The following PRF1 variants were observed in gnomAD, a reference collection of about 807,000 sequenced individuals.
PRF1 encodes the protein perforin 1.
In PRF1, 11 loss-of-function variants were observed where a neutral mutation model predicts 11.7. The ratio of observed to expected loss-of-function variants is 0.94; its 90% CI spans 0.59 to 1.56. The LOEUF (loss-of-function observed/expected upper bound fraction) is 1.56. Ranked by LOEUF, PRF1 falls within the 40% of genes most tolerant of loss-of-function variation. The pLI is 0.00. For missense variants in PRF1, 729 were observed against 751.0 expected (o/e 0.97, Z 0.34); for synonymous variants, 314 against 327.8 (o/e 0.96, Z 0.45).
rs3758561 is a variant in PRF1, at chr10:70,601,784, G to A, written c.-30-852C>T. Among the ~76,000 whole-genome samples, 26 of 117,044 alleles carry A rather than the reference G, an allele frequency of 2.2e-4. No individual in the cohort carries two copies. In the East Asian group the frequency reaches 6.2e-3, roughly 28 times the overall value. The allele number at this position is 117,044 out of a possible 152,430, so 76.8% of individuals were successfully genotyped here. On this transcript the variant is annotated intron_variant, in intron 1 of 2. Transcript: ENST00000441259. Reference sequence around the variant, plus strand: ...GCGGAGGTTGCAGTGAGCCAAGATCGTACCACTGCACTCCCGCCTGGGTGA... The same window carrying A: ...GCGGAGGTTGCAGTGAGCCAAGATCATACCACTGCACTCCCGCCTGGGTGA...
chr10:70,599,566 A>G (rs923264335), intron 2 of PRF1, among the ~76,000 whole-genome samples: 2 of 152,120 alleles, frequency 1.3e-5, no homozygotes, highest in African/African-American at 4.8e-5. Flanking sequence ...CCTGGGCAAC[A>G]TAGTGAGACC....
Position 70,598,079 on chromosome 10 carries a change from C to T in PRF1, c.1642G>A (p.Gly548Arg). The change falls in exon 3 of 3, where the codon GGA becomes AGA. Residue 548 changes from glycine (G) to arginine (R), a missense_variant. Coordinates refer to ENST00000441259, the MANE Select transcript of PRF1 (RefSeq NM_001083116.3). ...VPQMLLGEPP[G>R]NRSGAVW Reference sequence around the variant, plus strand: ...CACCACACGGCCCCACTCCGGTTTCCTGGAGGCTCCCCCAGAAGCATTTGG... The same window carrying T: ...CACCACACGGCCCCACTCCGGTTTCTTGGAGGCTCCCCCAGAAGCATTTGG... The T allele has an allele frequency of 1.9e-6, 3 of 1,613,952 alleles. No homozygotes were observed. The highest frequency in any genetic ancestry group is 2.5e-6 in the Non-Finnish European group (3 of 1,180,036).
Position 70,598,264 on chromosome 10 carries a change from T to G in PRF1, c.1457A>C (p.Asp486Ala), listed in dbSNP as rs772313460. The change falls in exon 3 of 3, where the codon GAC becomes GCC. Residue 486 changes from aspartate to alanine, a missense_variant. Transcript: ENST00000441259. ...GPLRLQVWDQ[D>A]SGRDDDLLGT... ...AAGGAGGTCATCGTCCCTGCCAGAG[T>G]CCTGATCCCAGACCTGCAACCTCAG... is the stretch of plus-strand genomic sequence containing the variant. 1.2e-6 allele frequency: 2 copies of G among 1,614,030 alleles called. No homozygotes were observed. Among genetic ancestry groups the G allele is most frequent in the South Asian group, 1.1e-5 (1 of 91,082 alleles).
At chr10:70,599,306 C>G in intron 2 of PRF1, 125 bp from the exon 3 acceptor site, 1 of 1,270,446 alleles carries the variant, frequency 7.9e-7, no homozygotes, top group Non-Finnish European at 1.1e-6. Context: ...ACCCAGGGGC[C>G]CGGCTCCAGA....
chr10:70,598,819 G>A lies in PRF1; in HGVS notation c.902C>T (p.Ser301Leu), dbSNP rs1259291325. 3.1e-6 allele frequency: 5 copies of A among 1,614,228 alleles called. No individual in the cohort carries two copies. Among genetic ancestry groups the A allele is most frequent in the South Asian group, 1.1e-5 (1 of 91,084 alleles). ...SFHQTYRERHSEVVGGHHTSI... is the reference protein window; with the variant it reads ...SFHQTYRERHLEVVGGHHTSI... ...GGTGTGATGGCCGCCAACCACTTCCGAGTGGCGCTCCCGGTAGGTTTGGTG... is the reference window on the plus strand; with the variant it reads ...GGTGTGATGGCCGCCAACCACTTCCAAGTGGCGCTCCCGGTAGGTTTGGTG... Residue 301 changes from serine to leucine, a missense_variant, in exon 3 of 3, where the codon TCG becomes TTG. Transcript: ENST00000441259.
In PRF1 at chr10:70,598,392, A is replaced by G; in HGVS notation, c.1329T>C (p.Phe443=). The G allele has an allele frequency of 1.2e-6, 2 of 1,614,144 alleles. No individual in the cohort carries two copies. ...TGCTCGTCCTCAGCTCCTGGCCACC[A>G]AAGAAGAGCTTCACATAGGCATCCG... ...TATDAYVKLF[F]GGQELRTSTV... is the part of the protein sequence containing the mutation. Residue 443 remains phenylalanine, a synonymous_variant, in exon 3 of 3, where the codon TTT becomes TTC. Coordinates refer to ENST00000441259, the MANE Select transcript of PRF1 (RefSeq NM_001083116.3).
intron 2 of PRF1, 54 bp from the exon 3 acceptor site, chr10:70,599,235 A>G (rs953889977): frequency 5.6e-6 from 9 of 1,600,918 alleles, no homozygotes; most frequent in South Asian, 2.2e-5. Context: ...CCCCCATTCA[A>G]TCAAATAACT....
rs1211171704 is a variant in PRF1 at position 70,599,008 on chromosome 10, G to T, written c.713C>A (p.Ala238Asp). ...ELGGRISALTALRTCELALEG... is the reference protein window; with the variant it reads ...ELGGRISALTDLRTCELALEG... ...CAGGGCCAGCTCGCAGGTGCGCAGG[G>T]CAGTGAGGGCCGATATGCGGCCACC... Residue 238 changes from alanine (A) to aspartate (D), a missense_variant, in exon 3 of 3, where the codon GCC becomes GAC. Ala to Asp is a moderately radical substitution (Grantham distance 126). Transcript: ENST00000441259. 6.2e-7 allele frequency: 1 copy of T among 1,613,922 alleles called. No individual in the cohort carries two copies. The highest frequency in any genetic ancestry group is 1.3e-5 in the African/African-American group (1 of 74,952).
rs780505816 is a variant in PRF1 at position 70,600,947 on chromosome 10, G to A, written c.-30-15C>T. 3 of 1,549,140 alleles carry A rather than the reference G, an allele frequency of 1.9e-6. No individual in the cohort carries two copies. Among genetic ancestry groups the A allele is most frequent in the South Asian group, 2.4e-5 (2 of 84,460 alleles). ...GCACTTGGGCTCTGGGAAGCCATGGGTGGAGGGATGGAGGATGACTGCTCC... is the reference window on the plus strand; with the variant it reads ...GCACTTGGGCTCTGGGAAGCCATGGATGGAGGGATGGAGGATGACTGCTCC... On this transcript the variant is annotated splice_polypyrimidine_tract_variant and intron_variant, in intron 1 of 2. Coordinates refer to ENST00000441259, the MANE Select transcript of PRF1 (RefSeq NM_001083116.3). The surrounding 1 kb of genome is among the most constrained non-coding windows in gnomAD (Gnocchi z 4.9).
At chr10:70,601,840 A>AAAAAAAAAAAAAAGAAAAAAAAAAAAAAG (rs55649452) in intron 1 of PRF1, among the ~76,000 whole-genome samples, 1 of 97,764 alleles carries the variant, frequency 1.0e-5, no homozygotes. Flanking sequence ...AAAAAAAAAA[A>AAAAAAAAAAAAAAGAAAAAAAAAAAAAAG]AAAAAGGGGC....
Position 70,601,840 on chromosome 10 carries a change from A to AAAAAAAAAAGAGCAAGAAAAAAAAG in PRF1, c.-31+804_-31+805insCTTTTTTTTCTTGCTCTTTTTTTTT, listed in dbSNP as rs55649452. Reference sequence around the variant, plus strand: ...TAAGACTCTGCCTCAAAAAAAAAAAAAAAAAGGGGCAGACCTGACCACACC... The same window carrying AAAAAAAAAAGAGCAAGAAAAAAAAG: ...TAAGACTCTGCCTCAAAAAAAAAAAAAAAAAAAAAGAGCAAGAAAAAAAAGAAAAAGGGGCAGACCTGACCACACC... On this transcript the variant is annotated intron_variant, in intron 1 of 2. Coordinates refer to ENST00000441259, the MANE Select transcript of PRF1 (RefSeq NM_001083116.3). Among the ~76,000 whole-genome samples, 2 of 97,764 alleles carry AAAAAAAAAAGAGCAAGAAAAAAAAG rather than the reference A, an allele frequency of 2.0e-5. 1 individual carries two copies. The highest frequency in any genetic ancestry group is 3.9e-5 in the Non-Finnish European group (2 of 51,372). 64.1% of individuals were successfully genotyped at this position (97,764 alleles called of 152,430 possible).
Position 70,598,033 on chromosome 10 carries a change from C to A in PRF1, c.*20G>T. Reference sequence around the variant, plus strand: ...ACCCCTTCAGTCCAAGCATACTGGTCCTTTCCAAGCTCACTGTTCTCACCA... The same window carrying A: ...ACCCCTTCAGTCCAAGCATACTGGTACTTTCCAAGCTCACTGTTCTCACCA... On this transcript the variant is annotated 3_prime_UTR_variant, in exon 3 of 3. Coordinates refer to ENST00000441259, the MANE Select transcript of PRF1 (RefSeq NM_001083116.3). 1.2e-6 allele frequency: 2 copies of A among 1,611,186 alleles called. No individual in the cohort carries two copies. Among genetic ancestry groups the A allele is most frequent in the South Asian group, 2.2e-5 (2 of 90,996 alleles).
At position 70,599,125 on chromosome 10, in the gene PRF1, T is replaced by A. The variant is rs774041731; in HGVS notation, c.596A>T (p.Asp199Val). ...GGAGGCGTTGAAGTGGTGGGGCAGG[T>A]CCCCGAGGGCCCTCTTGAAGTCAGG... ...LHPDFKRALG[D>V]LPHHFNASTQ... The change falls in exon 3 of 3, where the codon GAC (aspartate) becomes GTC (valine). Residue 199 changes from aspartate to valine, a missense_variant. By Grantham distance (152) the Asp-to-Val change is radical (BLOSUM62 -3). Coordinates refer to ENST00000441259, the MANE Select transcript of PRF1 (RefSeq NM_001083116.3). 6.2e-7 allele frequency: 1 copy of A among 1,613,868 alleles called. No individual in the cohort carries two copies. The highest frequency in any genetic ancestry group is 1.1e-5 in the South Asian group (1 of 91,064).
chr10:70,598,665 G>C lies in PRF1; in HGVS notation c.1056C>G (p.Ser352Arg), dbSNP rs1313354526. 1 of 1,613,758 alleles carries C rather than the reference G, an allele frequency of 6.2e-7. No homozygotes were observed. The highest frequency in any genetic ancestry group is 8.5e-7 in the Non-Finnish European group (1 of 1,180,030). ...TLEPLHVLLD[S>R]QDPRREALRR... ...TCAGTGCCTCCCGCCGCGGGTCCTG[G>C]CTGTCCAGCAGCACGTGCAGGGGTT... The change falls in exon 3 of 3, where the codon AGC (serine) becomes AGG (arginine). Residue 352 changes from serine to arginine, a missense_variant. By Grantham distance (110) the Ser-to-Arg change is moderately radical (BLOSUM62 -1). Coordinates refer to ENST00000441259, the MANE Select transcript of PRF1 (RefSeq NM_001083116.3).
At chr10:70,599,289 G>A in intron 2 of PRF1, 108 bp from the exon 3 acceptor site, 1 of 1,421,884 alleles carries the variant, frequency 7.0e-7, no homozygotes, top group Middle Eastern at 2.2e-4. Flanking sequence ...GCAGAACTAG[G>A]ACTGGAACCC....
Position 70,599,034 on chromosome 10 carries a change from C to A in PRF1, c.687G>T (p.Leu229=), listed in dbSNP as rs1477672027. The A allele has an allele frequency of 6.2e-7, 1 of 1,613,424 alleles. No individual in the cohort carries two copies. Among genetic ancestry groups the A allele is most frequent in the Admixed American group, 1.7e-5 (1 of 59,990 alleles). ...CAGTGAGGGCCGATATGCGGCCACC[C>A]AGCTCCACAGCCCGGATGAAGTGGG... ...YGTHFIRAVE[L]GGRISALTAL... Residue 229 remains leucine, a synonymous_variant, in exon 3 of 3, where the codon CTG becomes CTT. Transcript: ENST00000441259.
chr10:70,597,586 GCC>G lies in PRF1; in HGVS notation c.*465_*466del. On this transcript the variant is annotated 3_prime_UTR_variant, in exon 3 of 3. Transcript: ENST00000441259. ...GGTGGGAACAGCCTCTTGGCCTTCT[GCC>G]CAGCTCCTGGCTGAAGCTGTGATCT... The G allele has an allele frequency of 1.2e-5, 6 of 482,170 alleles. No homozygotes were observed. Among genetic ancestry groups the G allele is most frequent in the Non-Finnish European group, 2.2e-5 (6 of 278,724 alleles). 29.9% of individuals were successfully genotyped at this position (482,170 alleles called of 1,614,324 possible).
intron 2 of PRF1, among the ~76,000 whole-genome samples, chr10:70,599,567 T>C (rs559869752): frequency 3.3e-5 from 5 of 151,978 alleles, no homozygotes; most frequent in African/African-American, 7.2e-5. Context: ...CTGGGCAACA[T>C]AGTGAGACCC....
rs1848154567 is a variant in PRF1 at position 70,598,178 on chromosome 10, C to T, written c.1543G>A (p.Gly515Ser). 1 of 1,614,038 alleles carries T rather than the reference C, an allele frequency of 6.2e-7. No individual in the cohort carries two copies. The highest frequency in any genetic ancestry group is 1.3e-5 in the African/African-American group (1 of 74,912). ...GCATGATAGCGGAATTTTAGGTGGC[C>T]ATGATTCAGGTTGCATCTCACCTCA... ...SHEVRCNLNH[G>S]HLKFRYHARC... Residue 515 changes from glycine (G) to serine (S), a missense_variant, in exon 3 of 3, where the codon GGC becomes AGC. Coordinates refer to ENST00000441259, the MANE Select transcript of PRF1 (RefSeq NM_001083116.3).
Sources: allele counts gnomAD v4.1 joint callset (sites outside exome capture counted in the v4.1 genomes callset), GRCh38; gene constraint gnomAD v4.1.1; non-coding constraint Gnocchi (gnomAD v3.1); transcripts MANE v1.5; gene names NCBI Gene and HGNC (gene_info 2026-07-23, HGNC 2026-07-21).